Variants in GARNL3 observed in about 807,000 individuals in gnomAD.
GARNL3 encodes GTPase activating Rap/RanGAP domain like 3.
GARNL3 carries 63 observed loss-of-function variants against 125.0 expected under a neutral mutation model. The ratio of observed to expected loss-of-function variants is 0.50; its 90% CI spans 0.41 to 0.62. GARNL3 has a LOEUF of 0.62. GARNL3 is among the 20% of genes least tolerant of loss of function. The pLI, the probability that GARNL3 is intolerant of heterozygous loss-of-function variation, is 0.00. For missense variants in GARNL3, 994 were observed against 1,244.0 expected (o/e 0.80, Z 3.02); for synonymous variants, 439 against 457.5 (o/e 0.96, Z 0.52).
intron 22 of GARNL3, among the ~76,000 whole-genome samples, chr9:127,378,121 A>G (rs1832026698): frequency 6.6e-6 from 1 of 151,882 alleles, no homozygotes; most frequent in African/African-American, 2.4e-5. Flanking sequence ...CATGCTTGTA[A>G]TCCCAGCTAC....
At chr9:127,243,746 T>C (rs1461498387) in intron 2 of GARNL3, among the ~76,000 whole-genome samples, 2 of 152,188 alleles carry the variant, frequency 1.3e-5, no homozygotes, top group South Asian at 2.1e-4. Flanking sequence ...TAATAATAAC[T>C]AGAATAGAAT....
chr9:127,318,654 G>A (rs1278370014), intron 5 of GARNL3, among the ~76,000 whole-genome samples: 1 of 152,040 alleles, frequency 6.6e-6, no homozygotes, highest in South Asian at 2.1e-4. Flanking sequence ...GCCACCTCTC[G>A]TGCCCCCACC....
rs543044164 is a variant in GARNL3, at chr9:127,324,966, C to T, written c.568-103C>T. 58 of 1,184,894 alleles carry T rather than the reference C, an allele frequency of 4.9e-5. No homozygotes were observed. In the African/African-American group the frequency reaches 8.4e-4, roughly 17 times the overall value. 73.4% of individuals were successfully genotyped at this position (1,184,894 alleles called of 1,614,324 possible). A position where few individuals can be genotyped will look rare whatever the true frequency, so the allele number is the denominator to read the frequency against. The stretch of plus-strand genomic sequence containing the variant: ...TATAACCAACTTTTAAAATTATTTT[C>T]AAAATGTCAGTGTGAGCAAACCAAA... On this transcript the variant is annotated intron_variant, in intron 6 of 27. Coordinates refer to ENST00000373387, the MANE Select transcript of GARNL3 (RefSeq NM_032293.5).
Position 127,371,970 on chromosome 9 carries a change from T to C in GARNL3, c.2161+6604T>C, listed in dbSNP as rs1831634551. ...TTTTTGAGAAGGAGTTTAGCTCTTG[T>C]TGCCCAGGCTGAAGTTCAGTGGCGC... On this transcript the variant is annotated intron_variant, in intron 22 of 27. Transcript: ENST00000373387. Among the ~76,000 whole-genome samples the C allele has an allele frequency of 3.9e-5, 6 of 152,344 alleles. 1 individual carries two copies. The South Asian group carries it at 1.2e-3, about 32-fold the overall frequency.
At chr9:127,322,622 G>A (rs2065438161) in intron 6 of GARNL3, among the ~76,000 whole-genome samples, 1 of 152,204 alleles carries the variant, frequency 6.6e-6, no homozygotes, top group African/African-American at 2.4e-5. Flanking sequence ...GCTCAGAGAT[G>A]CAGGGTGAAG....
At chr9:127,360,738 A>G (rs10987612) in intron 21 of GARNL3, among the ~76,000 whole-genome samples, 58,734 of 151,998 alleles carry the variant, frequency 0.39, 11,664 homozygotes, top group Middle Eastern at 0.47. Context: ...TGTGGGCACC[A>G]GTGTTAACTG....
chr9:127,390,292 T>A (rs1028211002), intron 26 of GARNL3, among the ~76,000 whole-genome samples: 1 of 152,230 alleles, frequency 6.6e-6, no homozygotes, highest in African/African-American at 2.4e-5. Context: ...CAGCCTTCCA[T>A]ATCAAAGCTT....
chr9:127,335,388 A>C lies in GARNL3; in HGVS notation c.873+55A>C, dbSNP rs1377874448. The C allele has an allele frequency of 2.3e-6, 3 of 1,315,126 alleles. No individual in the cohort carries two copies. In the African/African-American group the frequency reaches 4.3e-5, roughly 19 times the overall value. 81.5% of individuals were successfully genotyped at this position (1,315,126 alleles called of 1,614,324 possible). Reference sequence around the variant, plus strand: ...GTGATGTGAATGTGGAGAGGGCACCATTATGATTCCATAGAATTAGGGGCT... The same window carrying C: ...GTGATGTGAATGTGGAGAGGGCACCCTTATGATTCCATAGAATTAGGGGCT... On this transcript the variant is annotated intron_variant, in intron 10 of 27. Transcript: ENST00000373387.
intron 4 of GARNL3, 93 bp downstream of exon 4, chr9:127,313,652 G>T (rs1385329865): frequency 2.3e-6 from 2 of 869,558 alleles, no homozygotes; most frequent in Admixed American, 3.4e-5. Context: ...TTTCTTCCAG[G>T]GCATGCCTCA....
At chr9:127,311,043 A>G (rs2065081904) in intron 2 of GARNL3, among the ~76,000 whole-genome samples, 1 of 152,164 alleles carries the variant, frequency 6.6e-6, no homozygotes, top group Admixed American at 6.5e-5. Context: ...TTTTATTTAC[A>G]ATAACAAAAA....
chr9:127,382,361 A>T (rs1454686722), intron 22 of GARNL3, among the ~76,000 whole-genome samples: 1 of 152,098 alleles, frequency 6.6e-6, no homozygotes, highest in Non-Finnish European at 1.5e-5. Flanking sequence ...TGTATGGCTA[A>T]AACATGATGG....
intron 2 of GARNL3, chr9:127,300,168 G>A (rs1588797022): frequency 3.0e-6 from 1 of 333,596 alleles, no homozygotes. Flanking sequence ...CATCAATTAT[G>A]TCATCTGTAA....
rs1316298822 is a variant in GARNL3, at chr9:127,354,346, TGAG to T, written c.1697_1699del (p.Glu566del). ...GGCTAAGTGCTCTGCAAAAGGGCCT[TGAG>T]GGGAAGCAGGCTGGGAAGAGCAGGT... On this transcript the variant is annotated inframe_deletion, in exon 19 of 28. Coordinates refer to ENST00000373387, the MANE Select transcript of GARNL3 (RefSeq NM_032293.5). The T allele has an allele frequency of 6.2e-7, 1 of 1,613,902 alleles. No homozygotes were observed. Among genetic ancestry groups the T allele is most frequent in the East Asian group, 2.2e-5 (1 of 44,878 alleles).
chr9:127,356,048 C>T (rs1830671683), intron 20 of GARNL3, among the ~76,000 whole-genome samples: 1 of 152,128 alleles, frequency 6.6e-6, no homozygotes, highest in Admixed American at 6.6e-5. Flanking sequence ...GCAGGCAGGT[C>T]AGAGAGAACT....
chr9:127,349,599 GTTC>G (rs988161528), intron 17 of GARNL3, among the ~76,000 whole-genome samples: 2 of 152,182 alleles, frequency 1.3e-5, no homozygotes, highest in Non-Finnish European at 2.9e-5. Context: ...GAGTTAGTCA[GTTC>G]TCTGTCGCCA....
chr9:127,318,314 G>A (rs917372154), intron 5 of GARNL3, among the ~76,000 whole-genome samples, 187 bp downstream of exon 5: 1 of 152,134 alleles, frequency 6.6e-6, no homozygotes, highest in African/African-American at 2.4e-5. Context: ...TGTAGGGCAG[G>A]TGCTGTGACT....
At chr9:127,247,686 G>A (rs1266969490) in intron 2 of GARNL3, among the ~76,000 whole-genome samples, 1 of 152,120 alleles carries the variant, frequency 6.6e-6, no homozygotes, top group East Asian at 1.9e-4. Context: ...GGATACGTGA[G>A]ATATTTTGAT....
intron 2 of GARNL3, among the ~76,000 whole-genome samples, chr9:127,302,670 G>A (rs2064836231): frequency 1.3e-5 from 2 of 152,166 alleles, no homozygotes; most frequent in African/African-American, 4.8e-5. Context: ...AATTGTTTCT[G>A]GAGAATGGAA....
chr9:127,245,156 C>A (rs1056117123), intron 2 of GARNL3, among the ~76,000 whole-genome samples: 1 of 152,216 alleles, frequency 6.6e-6, no homozygotes, highest in Non-Finnish European at 1.5e-5. Flanking sequence ...AGTTAAAGTA[C>A]CCGCAGTGGA....
Sources: allele counts gnomAD v4.1 joint callset (sites outside exome capture counted in the v4.1 genomes callset), GRCh38; gene constraint gnomAD v4.1.1; transcripts MANE v1.5; gene names NCBI Gene and HGNC (gene_info 2026-07-23, HGNC 2026-07-21).